Variants in RANBP2 observed in about 807,000 individuals in gnomAD.
RANBP2 encodes E3 SUMO-protein ligase RanBP2.
A neutral mutation model predicts 303.6 loss-of-function variants in RANBP2; 57 were observed. That is an observed-to-expected ratio of 0.19 (90% CI 0.15 to 0.23). The LOEUF is 0.23. RANBP2 is among the 10% of genes least tolerant of loss of function. The pLI, the probability that RANBP2 is intolerant of heterozygous loss-of-function variation, is 1.00. For missense variants in RANBP2, 3,138 were observed against 3,780.8 expected (o/e 0.83, Z 4.46); for synonymous variants, 1,167 against 1,301.5 (o/e 0.90, Z 2.23).
the RANBP2 span, among the ~76,000 whole-genome samples, chr2:109,443,430 G>T: frequency 6.6e-6 from 1 of 152,144 alleles, no homozygotes; most frequent in South Asian, 2.1e-4. Context: ...TGAGTGTCAG[G>T]CAACTCAAAT....
At chr2:109,346,986 T>C in the RANBP2 span, among the ~76,000 whole-genome samples, 1 of 152,166 alleles carries the variant, frequency 6.6e-6, no homozygotes, top group Non-Finnish European at 1.5e-5. Context: ...GCATGGCCCC[T>C]GTGCTCCACA....
chr2:109,008,057 C>G, the RANBP2 span, among the ~76,000 whole-genome samples: 1 of 152,080 alleles, frequency 6.6e-6, no homozygotes, highest in Non-Finnish European at 1.5e-5. Flanking sequence ...AATGAGCAAC[C>G]CTTCAACATG....
At chr2:109,293,872 C>T in the RANBP2 span, among the ~76,000 whole-genome samples, 3 of 152,192 alleles carry the variant, frequency 2.0e-5, no homozygotes, top group Admixed American at 6.5e-5. Context: ...TCACATTTCC[C>T]TCCTGTGAAA....
the RANBP2 span, among the ~76,000 whole-genome samples, chr2:109,518,549 C>CA: frequency 6.6e-6 from 1 of 152,212 alleles, no homozygotes; most frequent in African/African-American, 2.4e-5. Context: ...GCTCTAAGAA[C>CA]CATTGCCTTG....
the RANBP2 span, among the ~76,000 whole-genome samples, chr2:109,513,728 T>A: frequency 1.3e-5 from 2 of 152,100 alleles, no homozygotes; most frequent in Non-Finnish European, 2.9e-5. Context: ...GGGAGGTGGG[T>A]GCCCATGGAG....
chr2:109,443,122 T>C, the RANBP2 span, among the ~76,000 whole-genome samples: 6 of 152,250 alleles, frequency 3.9e-5, no homozygotes, highest in Non-Finnish European at 7.3e-5. Context: ...TAGGTGAAAT[T>C]GTGTGTGGCA....
At chr2:109,015,608 A>C in the RANBP2 span, among the ~76,000 whole-genome samples, 2 of 152,112 alleles carry the variant, frequency 1.3e-5, no homozygotes, top group African/African-American at 4.8e-5. Context: ...AAATACAAAA[A>C]TTAGCTGGGC....
chr2:109,312,009 A>G, the RANBP2 span, among the ~76,000 whole-genome samples: 1 of 148,650 alleles, frequency 6.7e-6, no homozygotes, highest in Non-Finnish European at 1.5e-5. Context: ...GGTGCTGTCC[A>G]GTTTTGAACT....
At chr2:109,001,228 CCACA>C in the RANBP2 span, among the ~76,000 whole-genome samples, 1 of 152,174 alleles carries the variant, frequency 6.6e-6, no homozygotes, top group Admixed American at 6.5e-5. Context: ...GAGCTCCAGA[CCACA>C]CAGTCTTTGG....
chr2:109,281,714 G>A, the RANBP2 span, among the ~76,000 whole-genome samples: 1 of 152,116 alleles, frequency 6.6e-6, no homozygotes, highest in Non-Finnish European at 1.5e-5. Flanking sequence ...AGAAGAGTCC[G>A]TATCTGATTT....
intron 17 of RANBP2, among the ~76,000 whole-genome samples, chr2:108,755,950 C>T (rs1676284025): frequency 6.6e-6 from 1 of 152,138 alleles, no homozygotes; most frequent in Admixed American, 6.5e-5. Context: ...TTTTGAACTT[C>T]TGACCTCAGG....
At chr2:109,319,362 T>A in the RANBP2 span, among the ~76,000 whole-genome samples, 4 of 152,380 alleles carry the variant, frequency 2.6e-5, no homozygotes, top group African/African-American at 9.6e-5. Flanking sequence ...GACAATGTCC[T>A]GAGCTGTGTC....
chr2:109,271,303 T>C, the RANBP2 span, among the ~76,000 whole-genome samples: 1 of 152,194 alleles, frequency 6.6e-6, no homozygotes, highest in Admixed American at 6.5e-5. Flanking sequence ...GTGTGAAATC[T>C]GTAAACATCT....
chr2:109,627,642 C>G, the RANBP2 span, among the ~76,000 whole-genome samples: 1 of 152,352 alleles, frequency 6.6e-6, no homozygotes, highest in Admixed American at 6.5e-5. Flanking sequence ...CCAGAAGCCC[C>G]TCTTGTGTCC....
At chr2:108,776,322 G>A (rs1201069976) in intron 24 of RANBP2, among the ~76,000 whole-genome samples, 4 of 151,886 alleles carry the variant, frequency 2.6e-5, no homozygotes, top group Admixed American at 6.6e-5. Flanking sequence ...GAAATATTAC[G>A]GATTTAAGAA....
the RANBP2 span, chr2:108,931,125 C>T: frequency 2.0e-6 from 2 of 1,019,052 alleles, no homozygotes; most frequent in Non-Finnish European, 3.1e-6. Context: ...TATAAGGTGC[C>T]TTCCAGCAAA....
the RANBP2 span, among the ~76,000 whole-genome samples, chr2:109,299,730 C>T: frequency 6.6e-6 from 1 of 152,220 alleles, no homozygotes; most frequent in Non-Finnish European, 1.5e-5. Flanking sequence ...AGAGAATCCT[C>T]AAGCAAGGCT....
the RANBP2 span, among the ~76,000 whole-genome samples, chr2:108,981,317 C>G: frequency 4.6e-5 from 7 of 152,206 alleles, no homozygotes; most frequent in Non-Finnish European, 1.5e-5. Context: ...GGTGGCTAGC[C>G]CATGCCAGTC....
At chr2:109,284,185 G>T in the RANBP2 span, among the ~76,000 whole-genome samples, 1 of 152,190 alleles carries the variant, frequency 6.6e-6, no homozygotes, top group Non-Finnish European at 1.5e-5. Flanking sequence ...GGGGGTTGGG[G>T]CCTGCAGTTT....
Sources: gnomAD v4.1 joint callset for allele counts (sites outside exome capture counted in the v4.1 genomes callset) on GRCh38, gnomAD v4.1.1 for gene constraint, MANE v1.5 for transcripts, NCBI Gene and HGNC (gene_info 2026-07-23, HGNC 2026-07-21) for gene names.